Variants in SLIT3 observed in about 807,000 individuals in gnomAD.
SLIT3 encodes the protein slit homolog 3 protein.
SLIT3 carries 68 observed loss-of-function variants against 184.0 expected under a neutral mutation model. The observed-to-expected ratio is 0.37, with a 90% CI of 0.30 to 0.45. SLIT3 has a LOEUF of 0.45. Ranked by LOEUF, SLIT3 falls within the 20% of genes least tolerant of loss-of-function variation. SLIT3 has a pLI of 1.00. For missense variants in SLIT3, 1,707 were observed against 2,026.0 expected (o/e 0.84, Z 3.02); for synonymous variants, 831 against 828.6 (o/e 1.00, Z -0.05).
At chr5:168,762,735 G>C in intron 14 of SLIT3, 46 bp from the exon 15 acceptor site, 1 of 1,597,542 alleles carries the variant, frequency 6.3e-7, no homozygotes, top group Non-Finnish European at 8.5e-7. Flanking sequence ...CGAGTTCCAC[G>C]CACAGCCCCA....
At chr5:169,081,640 G>A (rs1358933243) in intron 4 of SLIT3, among the ~76,000 whole-genome samples, 2 of 152,172 alleles carry the variant, frequency 1.3e-5, no homozygotes, top group Non-Finnish European at 2.9e-5. Flanking sequence ...GCCTCCAGAA[G>A]ATCTTCCATT....
chr5:168,930,562 G>T (rs980802968), intron 4 of SLIT3, among the ~76,000 whole-genome samples: 2 of 152,048 alleles, frequency 1.3e-5, no homozygotes, highest in Admixed American at 1.3e-4. Flanking sequence ...AGGTGGGGAG[G>T]CTCTGAAGAG....
intron 4 of SLIT3, among the ~76,000 whole-genome samples, chr5:168,888,708 C>A (rs1467148851): frequency 6.6e-6 from 1 of 152,108 alleles, no homozygotes; most frequent in Non-Finnish European, 1.5e-5. Context: ...TTTTCAATAA[C>A]ATTAAAAAAA....
intron 4 of SLIT3, among the ~76,000 whole-genome samples, chr5:168,893,183 T>C (rs1561991864): frequency 6.6e-6 from 1 of 152,226 alleles, no homozygotes; most frequent in Non-Finnish European, 1.5e-5. Context: ...AGTTCTGGTT[T>C]AATTTATCAA....
At chr5:168,743,308 A>G (rs1054396730) in intron 20 of SLIT3, among the ~76,000 whole-genome samples, 6 of 152,234 alleles carry the variant, frequency 3.9e-5, no homozygotes, top group African/African-American at 1.4e-4. Context: ...CCATTTTTCC[A>G]ACAGCATATC....
At chr5:168,775,890 C>G (rs1476183892) in intron 12 of SLIT3, among the ~76,000 whole-genome samples, 2 of 152,142 alleles carry the variant, frequency 1.3e-5, no homozygotes, top group African/African-American at 4.8e-5. Flanking sequence ...TTTTCCAGAG[C>G]AGGGCTGGCA....
chr5:169,288,809 T>C (rs1210163256), intron 1 of SLIT3, among the ~76,000 whole-genome samples: 1 of 152,204 alleles, frequency 6.6e-6, no homozygotes, highest in African/African-American at 2.4e-5. Flanking sequence ...TATTTTAATT[T>C]GTAAAAGATG....
intron 32 of SLIT3, among the ~76,000 whole-genome samples, chr5:168,674,002 AG>A (rs1761333078): frequency 6.6e-6 from 1 of 152,220 alleles, no homozygotes; most frequent in Non-Finnish European, 1.5e-5. Context: ...GCAAGGATAA[AG>A]GTTAGCATTG....
In SLIT3 at chr5:169,147,896, C is replaced by T. The variant is rs1253500877; in HGVS notation, c.413+45583G>A. Among the ~76,000 whole-genome samples the T allele has an allele frequency of 4.6e-5, 7 of 152,196 alleles. 1 individual carries two copies. Among genetic ancestry groups the T allele is most frequent in the African/African-American group, 1.7e-4 (7 of 41,440 alleles). ...ATGAAAACAGAGCTGTGTGCCTTTC[C>T]CTTTTCCTCCGTCTTCTCTCTGCCC... is the stretch of plus-strand genomic sequence containing the variant. On this transcript the variant is annotated intron_variant, in intron 4 of 35. Coordinates refer to ENST00000519560, the MANE Select transcript of SLIT3 (RefSeq NM_003062.4).
chr5:168,875,032 T>C (rs1759677801), intron 5 of SLIT3, among the ~76,000 whole-genome samples: 2 of 139,078 alleles, frequency 1.4e-5, no homozygotes, highest in Non-Finnish European at 3.0e-5. Flanking sequence ...TAACAATGAA[T>C]GGAATAAAAA....
Position 168,685,933 on chromosome 5 carries a change from A to C in SLIT3, c.3315-6T>G. On this transcript the variant is annotated splice_polypyrimidine_tract_variant and splice_region_variant and intron_variant, in intron 30 of 35. Transcript: ENST00000519560. Reference sequence around the variant, plus strand: ...GGTGTTCACAGAAGGGTCCACTGGAAGGCAGGAGAGAATGGGGAGGGAGAT... The same window carrying C: ...GGTGTTCACAGAAGGGTCCACTGGACGGCAGGAGAGAATGGGGAGGGAGAT... 1 of 1,601,896 alleles carries C rather than the reference A, an allele frequency of 6.2e-7. No individual in the cohort carries two copies. The highest frequency in any genetic ancestry group is 1.3e-5 in the African/African-American group (1 of 74,822).
At chr5:168,732,596 C>T (rs1763320267) in intron 20 of SLIT3, among the ~76,000 whole-genome samples, 1 of 152,126 alleles carries the variant, frequency 6.6e-6, no homozygotes, top group Admixed American at 6.5e-5. Flanking sequence ...GTAACCAAAA[C>T]AGCACAGTAC....
intron 4 of SLIT3, among the ~76,000 whole-genome samples, chr5:168,895,360 G>C (rs1158324112): frequency 1.3e-5 from 2 of 152,156 alleles, no homozygotes; most frequent in Non-Finnish European, 2.9e-5. Flanking sequence ...GAGTTTGGCA[G>C]GCAGCACTGC....
intron 23 of SLIT3, among the ~76,000 whole-genome samples, chr5:168,715,432 T>C (rs1165961456): frequency 3.9e-5 from 6 of 152,154 alleles, no homozygotes; most frequent in African/African-American, 1.4e-4. Context: ...GTCTGGCCAA[T>C]CAGAGTCACA....
At chr5:169,288,355 GT>G (rs11462191) in intron 1 of SLIT3, among the ~76,000 whole-genome samples, 7 of 151,208 alleles carry the variant, frequency 4.6e-5, no homozygotes. Flanking sequence ...TCCCCCTTGA[GT>G]TTTTTTTTAA....
chr5:168,868,653 C>G (rs747536283), intron 5 of SLIT3, among the ~76,000 whole-genome samples: 15 of 146,820 alleles, frequency 1.0e-4, no homozygotes, highest in Non-Finnish European at 1.9e-4. Context: ...GAGACTGAGG[C>G]AGGAGAATCT....
At chr5:169,280,614 T>C (rs1027758196) in intron 1 of SLIT3, among the ~76,000 whole-genome samples, 1 of 152,096 alleles carries the variant, frequency 6.6e-6, no homozygotes, top group Non-Finnish European at 1.5e-5. Flanking sequence ...CATGTGGGTT[T>C]CCTGGTGAGC....
At chr5:168,966,332 G>C (rs1271209721) in intron 4 of SLIT3, among the ~76,000 whole-genome samples, 1 of 150,040 alleles carries the variant, frequency 6.7e-6, no homozygotes, top group Non-Finnish European at 1.5e-5. Flanking sequence ...AGGTTCGCTG[G>C]ATTTTTTTTT....
intron 1 of SLIT3, chr5:169,263,608 A>G (rs62376934): frequency 0.71 from 339,566 of 475,676 alleles, 123,387 homozygotes; most frequent in African/African-American, 0.92. Flanking sequence ...ACATTGTTAC[A>G]GCAGCCCTAG....
Sources: gnomAD v4.1 joint callset for allele counts (sites outside exome capture counted in the v4.1 genomes callset) on GRCh38, gnomAD v4.1.1 for gene constraint, MANE v1.5 for transcripts, NCBI Gene and HGNC (gene_info 2026-07-23, HGNC 2026-07-21) for gene names.